Variants in ZMYND11 observed in about 807,000 individuals in gnomAD.
ZMYND11 encodes zinc finger MYND-type containing 11, also known as zinc finger MYND domain-containing protein 11.
Under a neutral mutation model 84.9 loss-of-function variants are expected in ZMYND11, and 9 were observed. The observed-to-expected ratio is 0.11, with a 90% CI of 0.06 to 0.18. The LOEUF is 0.18. Ranked by LOEUF, ZMYND11 falls within the 10% of genes least tolerant of loss-of-function variation. ZMYND11 has a pLI of 1.00. For missense variants in ZMYND11, 409 were observed against 761.0 expected, an observed-to-expected ratio of 0.54 and a Z score of 5.44; for synonymous variants, 250 against 244.1, an observed-to-expected ratio of 1.02 and a Z score of -0.23.
At chr10:202,630 C>T (rs1943423439) in intron 2 of ZMYND11, among the ~76,000 whole-genome samples, 1 of 152,246 alleles carries the variant, frequency 6.6e-6, no homozygotes, top group Non-Finnish European at 1.5e-5. Context: ...TTCGTGTGTG[C>T]TAGTTGCGAC....
chr10:213,908 T>C (rs1362577801), intron 3 of ZMYND11, among the ~76,000 whole-genome samples: 1 of 152,232 alleles, frequency 6.6e-6, no homozygotes, highest in Non-Finnish European at 1.5e-5. Context: ...TTGAGAAATA[T>C]GCATATATTG....
intron 3 of ZMYND11, among the ~76,000 whole-genome samples, chr10:210,795 G>T (rs1241592037): frequency 2.6e-5 from 4 of 151,646 alleles, no homozygotes; most frequent in Non-Finnish European, 5.9e-5. Context: ...ATTTTATTTT[G>T]CTGTTTCTAA....
At chr10:195,049 T>A (rs1451798058) in intron 2 of ZMYND11, among the ~76,000 whole-genome samples, 1 of 152,192 alleles carries the variant, frequency 6.6e-6, no homozygotes, top group Non-Finnish European at 1.5e-5. Context: ...CCAATAGATT[T>A]TTTATGAGAC....
intron 14 of ZMYND11, among the ~76,000 whole-genome samples, chr10:251,682 T>G (rs1953521997): frequency 6.6e-6 from 1 of 152,150 alleles, no homozygotes; most frequent in Admixed American, 6.5e-5. Context: ...TTTTCACTCT[T>G]CTCTTCTCCC....
At chr10:156,336 T>G (rs1841713949) in intron 1 of ZMYND11, among the ~76,000 whole-genome samples, 1 of 152,230 alleles carries the variant, frequency 6.6e-6, no homozygotes, top group Non-Finnish European at 1.5e-5. Flanking sequence ...ATACTCTGTT[T>G]AAGCAGATAT....
intron 1 of ZMYND11, among the ~76,000 whole-genome samples, chr10:149,285 GTTA>G (rs61508487): frequency 0.048 from 6,660 of 139,260 alleles, 179 homozygotes; most frequent in Middle Eastern, 0.076. Context: ...TGAGGTGGTT[GTTA>G]TTATTATTAT....
intron 2 of ZMYND11, among the ~76,000 whole-genome samples, chr10:199,541 T>A (rs1170938584): frequency 1.3e-5 from 2 of 152,194 alleles, no homozygotes; most frequent in East Asian, 3.9e-4. Context: ...GCGGTCCTCC[T>A]GTGTCAGCCT....
Position 210,826 on chromosome 10 carries a change from T to C in ZMYND11, c.276+778T>C, listed in dbSNP as rs570484001. ...TCTAATACCTTGATTTAAAATGTGT[T>C]AATTTTTACAAGGGAACATCATTTA... On this transcript the variant is annotated intron_variant, in intron 3 of 14. Transcript: ENST00000381604. Among the ~76,000 whole-genome samples, 5 of 152,284 alleles carry C rather than the reference T, an allele frequency of 3.3e-5. No individual in the cohort carries two copies. The South Asian group carries it at 1.0e-3, about 32-fold the overall frequency.
intron 1 of ZMYND11, among the ~76,000 whole-genome samples, chr10:139,044 G>T (rs1554753255): frequency 6.6e-6 from 1 of 151,948 alleles, no homozygotes; most frequent in Non-Finnish European, 1.5e-5. Flanking sequence ...GGCCTCAAAT[G>T]ATCCGCCTGC....
chr10:155,251 A>G (rs1168086631), intron 1 of ZMYND11, among the ~76,000 whole-genome samples: 1 of 152,226 alleles, frequency 6.6e-6, no homozygotes, highest in Non-Finnish European at 1.5e-5. Flanking sequence ...AAATTTGACT[A>G]CATACAATTT....
intron 4 of ZMYND11, among the ~76,000 whole-genome samples, chr10:223,374 T>G (rs2131456510): frequency 6.6e-6 from 1 of 152,266 alleles, no homozygotes; most frequent in Non-Finnish European, 1.5e-5. Context: ...TGGATGAAAT[T>G]TAAAAAATTT....
At chr10:188,427 A>G (rs1333336192) in intron 2 of ZMYND11, among the ~76,000 whole-genome samples, 1 of 151,688 alleles carries the variant, frequency 6.6e-6, no homozygotes, top group Non-Finnish European at 1.5e-5. Flanking sequence ...ATCTCTACAA[A>G]AAAAAAAACC....
At chr10:194,610 A>G (rs1439248092) in intron 2 of ZMYND11, among the ~76,000 whole-genome samples, 1 of 152,190 alleles carries the variant, frequency 6.6e-6, no homozygotes, top group Non-Finnish European at 1.5e-5. Flanking sequence ...AGTTCGAGTC[A>G]TTCCGCTCGA....
chr10:169,139 T>G (rs527316734), intron 1 of ZMYND11, among the ~76,000 whole-genome samples: 1 of 152,144 alleles, frequency 6.6e-6, no homozygotes, highest in South Asian at 2.1e-4. Flanking sequence ...AATACCTAAC[T>G]CCAGCCTACT....
intron 1 of ZMYND11, among the ~76,000 whole-genome samples, chr10:146,740 C>T (rs1838958443): frequency 1.3e-5 from 2 of 152,208 alleles, no homozygotes; most frequent in South Asian, 4.1e-4. Context: ...CCATAATCCC[C>T]ACATGTTGTG....
upstream of ZMYND11, among the ~76,000 whole-genome samples, chr10:133,454 A>C (rs1307549511): frequency 3.9e-5 from 6 of 152,212 alleles, no homozygotes; most frequent in Admixed American, 3.9e-4. Context: ...AAGTTATCTA[A>C]CTTACATTAG....
chr10:145,156 A>ATG (rs1838454720), intron 1 of ZMYND11, among the ~76,000 whole-genome samples: 1 of 150,648 alleles, frequency 6.6e-6, no homozygotes, highest in Non-Finnish European at 1.5e-5. Flanking sequence ...GTATATATAT[A>ATG]TGTGTGTGTA....
chr10:209,475 T>G (rs1013223937), intron 2 of ZMYND11, among the ~76,000 whole-genome samples: 3 of 152,198 alleles, frequency 2.0e-5, no homozygotes, highest in African/African-American at 4.8e-5. Context: ...AAAATATGTT[T>G]GTAGTTCTAA....
intron 1 of ZMYND11, among the ~76,000 whole-genome samples, chr10:159,678 T>C (rs973233465): frequency 2.6e-5 from 4 of 152,206 alleles, no homozygotes; most frequent in African/African-American, 9.6e-5. Flanking sequence ...TCTTACACTT[T>C]TGCCTATTCA....
Sources: gnomAD v4.1 joint callset for allele counts (sites outside exome capture counted in the v4.1 genomes callset) on GRCh38, gnomAD v4.1.1 for gene constraint, MANE v1.5 for transcripts, NCBI Gene and HGNC (gene_info 2026-07-23, HGNC 2026-07-21) for gene names.